The following WBP1L variants were observed in gnomAD, a reference collection of about 807,000 sequenced individuals.
WBP1L encodes WW domain binding protein 1 like.
WBP1L carries 17 observed loss-of-function variants against 33.7 expected under a neutral mutation model. The observed-to-expected ratio is 0.50, with a 90% confidence interval of 0.34 to 0.76. The LOEUF (loss-of-function observed/expected upper bound fraction) is 0.76. Ranked by LOEUF, WBP1L falls within the 30% of genes least tolerant of loss-of-function variation. WBP1L has a pLI of 0.01. For synonymous variants in WBP1L, 173 were observed against 190.8 expected (o/e 0.91, Z 0.77); for missense variants, 389 against 469.4 (o/e 0.83, Z 1.58).
chr10:102,794,029 C>T (rs1406964539), intron 1 of WBP1L, among the ~76,000 whole-genome samples: 6 of 152,138 alleles, frequency 3.9e-5, no homozygotes, highest in Non-Finnish European at 5.9e-5. Flanking sequence ...CCTTGGCCTC[C>T]CAAAGTGCTG....
At chr10:102,749,706 C>T (rs1842906469) in intron 1 of WBP1L, among the ~76,000 whole-genome samples, 1 of 151,554 alleles carries the variant, frequency 6.6e-6, no homozygotes, top group African/African-American at 2.4e-5. Context: ...AAGTGATTTT[C>T]CTGCCTCAGC....
chr10:102,770,243 A>G (rs1274272657), intron 1 of WBP1L, among the ~76,000 whole-genome samples: 1 of 152,154 alleles, frequency 6.6e-6, no homozygotes, highest in Non-Finnish European at 1.5e-5. Flanking sequence ...GTTAGTATTC[A>G]TTCTCTCCTT....
intron 1 of WBP1L, among the ~76,000 whole-genome samples, chr10:102,791,234 G>A (rs1461594821): frequency 1.3e-5 from 2 of 152,138 alleles, no homozygotes; most frequent in Non-Finnish European, 2.9e-5. Flanking sequence ...TCCCGCTGTC[G>A]TTTTTGGTCC....
At chr10:102,745,130 AG>A (rs1246661628) in intron 1 of WBP1L, among the ~76,000 whole-genome samples, 1 of 152,220 alleles carries the variant, frequency 6.6e-6, no homozygotes, top group Non-Finnish European at 1.5e-5. Context: ...ATAGACGCAT[AG>A]CGTAGTGGCA....
chr10:102,765,526 A>T (rs896703631), intron 1 of WBP1L, among the ~76,000 whole-genome samples: 2 of 152,096 alleles, frequency 1.3e-5, no homozygotes, highest in African/African-American at 4.8e-5. Flanking sequence ...GTGCCACCAC[A>T]CCCAGCCAGG....
chr10:102,790,509 C>T (rs1433891465), intron 1 of WBP1L, among the ~76,000 whole-genome samples: 1 of 151,756 alleles, frequency 6.6e-6, no homozygotes, highest in Non-Finnish European at 1.5e-5. Context: ...TTCAACAGAA[C>T]TTTATTTTTA....
rs34921785 is a variant in WBP1L, at chr10:102,814,492, GTT to G, written c.*1176_*1177del. 2,051 of 133,436 alleles carry G rather than the reference GTT, an allele frequency of 0.015. 33 individuals carry two copies. The highest frequency in any genetic ancestry group is 0.039 in the African/African-American group (1,440 of 36,578). The allele number at this position is 133,436 out of a possible 1,614,324, so 8.3% of individuals were successfully genotyped here. ...ATTCTGAATAAATATTTTTTGTGGGGTTTTTTTTTTTTTTTTGGTGGCAGTTG... is the reference window on the plus strand; with the variant it reads ...ATTCTGAATAAATATTTTTTGTGGGGTTTTTTTTTTTTTTGGTGGCAGTTG... On this transcript the variant is annotated 3_prime_UTR_variant, in exon 4 of 4. Coordinates refer to ENST00000448841, the MANE Select transcript of WBP1L (RefSeq NM_001083913.2).
chr10:102,764,252 A>G (rs1186754249), intron 1 of WBP1L, among the ~76,000 whole-genome samples: 1 of 152,138 alleles, frequency 6.6e-6, no homozygotes, highest in Non-Finnish European at 1.5e-5. Context: ...AAGGCCTTGG[A>G]AAAGCTTTGT....
chr10:102,768,432 GCGGAC>G (rs60842452), intron 1 of WBP1L, among the ~76,000 whole-genome samples: 1 of 40,642 alleles, frequency 2.5e-5, no homozygotes, highest in African/African-American at 1.5e-4. Flanking sequence ...AGGCTGGACT[GCGGAC>G]TGCAGTGGCG....
chr10:102,764,643 A>G (rs1420361266), intron 1 of WBP1L, among the ~76,000 whole-genome samples: 1 of 152,198 alleles, frequency 6.6e-6, no homozygotes, highest in Non-Finnish European at 1.5e-5. Flanking sequence ...TATTTGTTCC[A>G]GGAGCTTCCC....
At chr10:102,768,756 C>T (rs1341326361) in intron 1 of WBP1L, among the ~76,000 whole-genome samples, 7 of 146,908 alleles carry the variant, frequency 4.8e-5, no homozygotes, top group African/African-American at 1.0e-4. Flanking sequence ...GGTGTGATCT[C>T]GGCTCACTGA....
intron 1 of WBP1L, among the ~76,000 whole-genome samples, chr10:102,776,781 T>G (rs1480604134): frequency 6.6e-6 from 1 of 152,162 alleles, no homozygotes; most frequent in East Asian, 1.9e-4. Flanking sequence ...CTTCTCCATT[T>G]TGATTTGGCT....
intron 3 of WBP1L, among the ~76,000 whole-genome samples, chr10:102,812,104 C>G (rs1843850246): frequency 6.6e-6 from 1 of 152,068 alleles, no homozygotes; most frequent in South Asian, 2.1e-4. Flanking sequence ...TTTCTAACCC[C>G]CTAGCAAAAG....
chr10:102,814,847 G>A lies in WBP1L; in HGVS notation c.*1516G>A, dbSNP rs1193221491. 1 of 152,460 alleles carries A rather than the reference G, an allele frequency of 6.6e-6. No individual in the cohort carries two copies. The highest frequency in any genetic ancestry group is 1.5e-5 in the Non-Finnish European group (1 of 68,004). The allele number at this position is 152,460 out of a possible 1,614,324, so 9.4% of individuals were successfully genotyped here. ...TGAACGATGATGATATTCAGACGAA[G>A]CATTGATGTTATGGAAGAAAGAAAG... On this transcript the variant is annotated 3_prime_UTR_variant, in exon 4 of 4. Transcript: ENST00000448841.
At chr10:102,745,215 T>C (rs1590162037) in intron 1 of WBP1L, among the ~76,000 whole-genome samples, 2 of 152,232 alleles carry the variant, frequency 1.3e-5, no homozygotes, top group African/African-American at 2.4e-5. Context: ...AAAATACTTA[T>C]CTTTTCCCTA....
At chr10:102,755,616 C>T (rs1048982759) in intron 1 of WBP1L, among the ~76,000 whole-genome samples, 1 of 151,826 alleles carries the variant, frequency 6.6e-6, no homozygotes, top group Non-Finnish European at 1.5e-5. Flanking sequence ...TGGTCTTGAA[C>T]TCCTGAGCTC....
chr10:102,745,414 A>C (rs1429902741), intron 1 of WBP1L, among the ~76,000 whole-genome samples: 4 of 152,176 alleles, frequency 2.6e-5, no homozygotes, highest in African/African-American at 7.2e-5. Context: ...AAACATTTTC[A>C]TCACCCCAAT....
In WBP1L at chr10:102,815,867, A is replaced by G. The variant is rs1843933672; in HGVS notation, c.*2536A>G. 1 of 152,490 alleles carries G rather than the reference A, an allele frequency of 6.6e-6. No homozygotes were observed. The highest frequency in any genetic ancestry group is 2.4e-5 in the African/African-American group (1 of 41,456). The allele number at this position is 152,490 out of a possible 1,614,324, so 9.4% of individuals were successfully genotyped here. On this transcript the variant is annotated 3_prime_UTR_variant, in exon 4 of 4. Coordinates refer to ENST00000448841, the MANE Select transcript of WBP1L (RefSeq NM_001083913.2). ...ATCCTAAAGGCACGAGAAGACGGAA[A>G]TGCAACCTGCGGAGCTGGGCTTGGT...
intron 1 of WBP1L, among the ~76,000 whole-genome samples, chr10:102,767,600 C>T (rs1382149460): frequency 1.3e-5 from 2 of 152,172 alleles, no homozygotes. Flanking sequence ...AGGACTCTTT[C>T]TGGCCCACTT....
Sources: gnomAD v4.1 joint callset for allele counts (sites outside exome capture counted in the v4.1 genomes callset) on GRCh38, gnomAD v4.1.1 for gene constraint, MANE v1.5 for transcripts, NCBI Gene and HGNC (gene_info 2026-07-23, HGNC 2026-07-21) for gene names.